The following SGK1 variants were observed in gnomAD, a reference collection of about 807,000 sequenced individuals.
The protein encoded by SGK1 is serum/glucocorticoid regulated kinase 1, also known as serine/threonine-protein kinase Sgk1.
In SGK1, 26 loss-of-function variants were observed where a neutral mutation model predicts 64.2. The observed-to-expected ratio is 0.40, with a 90% CI of 0.30 to 0.56. The LOEUF is 0.56. Among genes scored for constraint, SGK1 ranks in the 20% least tolerant of loss-of-function variants. The pLI, the probability that SGK1 is intolerant of heterozygous loss-of-function variation, is 0.38. For missense variants in SGK1, 519 were observed against 645.6 expected (o/e 0.80, Z 2.12); for synonymous variants, 265 against 239.7 (o/e 1.11, Z -0.98).
chr6:134,270,266 C>T (rs1301909785), intron 1 of SGK1, among the ~76,000 whole-genome samples: 1 of 147,460 alleles, frequency 6.8e-6, no homozygotes, highest in Non-Finnish European at 1.5e-5. Flanking sequence ...GTGTTTATTG[C>T]TTGTATAAAA....
chr6:134,171,717 C>A lies in SGK1; in HGVS notation c.1087G>T (p.Val363Leu), dbSNP rs749143110. The change falls in exon 11 of 14, where the codon GTG (valine) becomes TTG (leucine). Residue 363 changes from valine to leucine, a missense_variant. By Grantham distance (32) the Val-to-Leu change is conservative. Around this residue, in one of 2 missense-constraint regions of SGK1, gnomAD observed 278 missense variants for 408.7 expected, o/e 0.68. Coordinates refer to ENST00000367858, the MANE Select transcript of SGK1 (RefSeq NM_001143676.3). ...CGTPEYLAPE[V>L]LHKQPYDRTV... ...CTGTCATAAGGCTGCTTATGAAGCA[C>A]CTCAGGTGCGAGATACTGAAAAACA... The A allele has an allele frequency of 6.2e-7, 1 of 1,613,126 alleles. No homozygotes were observed. The highest frequency in any genetic ancestry group is 8.5e-7 in the Non-Finnish European group (1 of 1,179,132).
At chr6:134,186,398 T>A (rs1775424128) in intron 3 of SGK1, among the ~76,000 whole-genome samples, 1 of 152,136 alleles carries the variant, frequency 6.6e-6, no homozygotes, top group African/African-American at 2.4e-5. Context: ...ATCTTGTAAA[T>A]ACTGATATAA....
At chr6:134,252,556 TA>T (rs957654862) in intron 2 of SGK1, among the ~76,000 whole-genome samples, 1 of 100,500 alleles carries the variant, frequency 1.0e-5, no homozygotes, top group Non-Finnish European at 1.8e-5. Context: ...GACTCAGATT[TA>T]AAAAAAAATT....
chr6:134,218,817 A>G (rs914930496), intron 2 of SGK1: 1 of 152,152 alleles, frequency 6.6e-6, no homozygotes, highest in African/African-American at 2.4e-5. Context: ...GAGTGAGGCG[A>G]TAAGTGGTCA....
At chr6:134,258,659 C>T (rs890637696) in intron 2 of SGK1, among the ~76,000 whole-genome samples, 2 of 152,086 alleles carry the variant, frequency 1.3e-5, no homozygotes, top group East Asian at 1.9e-4. Context: ...AAGCCGAGAT[C>T]GCGCCACTGC....
intron 3 of SGK1, among the ~76,000 whole-genome samples, chr6:134,198,726 A>ATTTTTTTTTTTTTTTTTT (rs1178699258): frequency 2.0e-5 from 2 of 101,778 alleles, no homozygotes; most frequent in Non-Finnish European, 1.9e-5. Flanking sequence ...CTCTTTTTCT[A>ATTTTTTTTTTTTTTTTTT]TTTTTTTTTT....
At chr6:134,297,660 C>A in intron 1 of SGK1, 1 of 430,776 alleles carries the variant, frequency 2.3e-6, no homozygotes, top group Admixed American at 3.4e-5. Context: ...GCACCACCAC[C>A]CCAGGCTAAT....
intron 2 of SGK1, among the ~76,000 whole-genome samples, chr6:134,236,095 G>T (rs1776361192): frequency 6.6e-6 from 1 of 152,008 alleles, no homozygotes; most frequent in Non-Finnish European, 1.5e-5. Flanking sequence ...TGACTTTTCT[G>T]TATATATTTT....
At chr6:134,228,064 C>T (rs1187984078) in intron 2 of SGK1, among the ~76,000 whole-genome samples, 1 of 150,296 alleles carries the variant, frequency 6.7e-6, no homozygotes, top group Non-Finnish European at 1.5e-5. Context: ...AAGCAATTCT[C>T]CCTGCCTCAG....
chr6:134,182,749 A>G (rs1392268083), intron 3 of SGK1, among the ~76,000 whole-genome samples: 2 of 152,222 alleles, frequency 1.3e-5, no homozygotes, highest in African/African-American at 4.8e-5. Flanking sequence ...TGTGACAGGA[A>G]TTCCGTGAAA....
intron 2 of SGK1, among the ~76,000 whole-genome samples, chr6:134,210,149 A>G (rs1442732020): frequency 6.6e-6 from 1 of 152,242 alleles, no homozygotes; most frequent in Non-Finnish European, 1.5e-5. Context: ...CAAGATGAGG[A>G]AGCAACCTAA....
chr6:134,206,734 GCT>G (rs1280924769), intron 3 of SGK1, among the ~76,000 whole-genome samples: 2 of 151,390 alleles, frequency 1.3e-5, no homozygotes, highest in Non-Finnish European at 2.9e-5. Context: ...AGGCATGGTG[GCT>G]CATGCCTGTA....
At chr6:134,270,217 C>T (rs1274140087) in intron 1 of SGK1, among the ~76,000 whole-genome samples, 1 of 147,918 alleles carries the variant, frequency 6.8e-6, no homozygotes, top group African/African-American at 2.4e-5. Context: ...CGTGAGCCAC[C>T]GCACCAGGCC....
At chr6:134,250,201 T>C (rs1582742041) in intron 2 of SGK1, among the ~76,000 whole-genome samples, 2 of 152,132 alleles carry the variant, frequency 1.3e-5, no homozygotes, top group East Asian at 3.8e-4. Flanking sequence ...CCAATGAACA[T>C]TGGAAAAGCA....
chr6:134,280,198 C>CAAA (rs1228218844), intron 1 of SGK1, among the ~76,000 whole-genome samples: 6 of 64,232 alleles, frequency 9.3e-5, no homozygotes, highest in African/African-American at 2.6e-4. Flanking sequence ...GACACTGTCT[C>CAAA]AAAAAAAAAA....
intron 1 of SGK1, among the ~76,000 whole-genome samples, chr6:134,278,482 T>C (rs1002357027): frequency 6.6e-6 from 1 of 152,228 alleles, no homozygotes; most frequent in African/African-American, 2.4e-5. Flanking sequence ...CTGATGTTAC[T>C]GCTTGTTCGT....
Position 134,171,643 on chromosome 6 carries a change from A to G in SGK1, c.1161T>C (p.Tyr387=). The G allele has an allele frequency of 6.2e-7, 1 of 1,612,004 alleles. No homozygotes were observed. Among genetic ancestry groups the G allele is most frequent in the Non-Finnish European group, 8.5e-7 (1 of 1,178,038 alleles). Residue 387 remains tyrosine (Y), a synonymous_variant, in exon 11 of 14, where the codon TAT becomes TAC. Transcript: ENST00000367858. ...TTCCCAATGTGCCACTCACCAGGCC[A>G]TACAGCATCTCATACAAGACAGCTC... is the stretch of plus-strand genomic sequence containing the variant. ...CLGAVLYEML[Y]GLPPFYSRNT... is the part of the protein sequence containing the mutation.
At chr6:134,228,995 C>T (rs974078443) in intron 2 of SGK1, among the ~76,000 whole-genome samples, 12 of 152,348 alleles carry the variant, frequency 7.9e-5, no homozygotes, top group Middle Eastern at 6.8e-3. Context: ...TGGCGCCCGC[C>T]ACTGCGCCCA....
At chr6:134,278,389 G>A (rs1777047770) in intron 1 of SGK1, among the ~76,000 whole-genome samples, 1 of 152,160 alleles carries the variant, frequency 6.6e-6, no homozygotes, top group Non-Finnish European at 1.5e-5. Flanking sequence ...TTATTAGAGC[G>A]CTGTACATTG....
Sources: allele counts gnomAD v4.1 joint callset (sites outside exome capture counted in the v4.1 genomes callset), GRCh38; gene constraint gnomAD v4.1.1; regional missense constraint gnomAD v4.1.1; transcripts MANE v1.5; gene names NCBI Gene and HGNC (gene_info 2026-07-23, HGNC 2026-07-21).